Variants in C5orf22 observed in about 807,000 individuals in gnomAD.
C5orf22 encodes the protein chromosome 5 open reading frame 22, also known as UPF0489 protein C5orf22.
C5orf22 carries 36 observed loss-of-function variants against 48.7 expected under a neutral mutation model. That is an observed-to-expected ratio of 0.74 (90% CI 0.57 to 0.98). The LOEUF (loss-of-function observed/expected upper bound fraction) is 0.98, where lower values mean the gene tolerates loss of function less well. C5orf22 is among the 50% of genes least tolerant of loss of function. The probability of loss-of-function intolerance (pLI) is 0.00; values close to 1 mark genes in which losing one functional copy is unlikely to be tolerated. For missense variants in C5orf22, 486 were observed against 521.9 expected, an observed-to-expected ratio of 0.93 and a Z score of 0.67; for synonymous variants, 141 against 180.8, an observed-to-expected ratio of 0.78 and a Z score of 1.76.
chr5:31,538,127 C>T (rs534809754), intron 3 of C5orf22, 133 bp from the exon 4 acceptor site: 21 of 675,612 alleles, frequency 3.1e-5, no homozygotes, highest in Admixed American at 1.9e-4. Flanking sequence ...TACAGAAGAA[C>T]AGGAAGTATA....
At chr5:31,536,208 T>C (rs1022072781) in intron 3 of C5orf22, among the ~76,000 whole-genome samples, 14 of 152,214 alleles carry the variant, frequency 9.2e-5, no homozygotes, top group African/African-American at 3.4e-4. Flanking sequence ...TACATTTTAC[T>C]GTTTCCTGTC....
Position 31,536,030 on chromosome 5 carries a change from C to CACG in C5orf22, c.377+139_377+141dup, listed in dbSNP as rs1742055002. 1.1e-5 allele frequency: 8 copies of CACG among 741,470 alleles called. No individual in the cohort carries two copies. In the East Asian group the frequency reaches 2.4e-4, roughly 22 times the overall value. 45.9% of individuals were successfully genotyped at this position (741,470 alleles called of 1,614,324 possible). ...CGACTTCTCCAAAGAGTTCTCAAAA[C>CACG]ACGAAGAACAAACTTTTAAGTCTCT... On this transcript the variant is annotated intron_variant, in intron 3 of 8. Transcript: ENST00000325366.
At chr5:31,542,099 TAAGA>T (rs1296630176) in intron 6 of C5orf22, among the ~76,000 whole-genome samples, 1 of 151,856 alleles carries the variant, frequency 6.6e-6, no homozygotes, top group African/African-American at 2.4e-5. Context: ...CTAAGTAGAG[TAAGA>T]AAGAAATACT....
At chr5:31,544,368 G>T (rs370689283) in intron 6 of C5orf22, among the ~76,000 whole-genome samples, 18 of 152,252 alleles carry the variant, frequency 1.2e-4, no homozygotes, top group African/African-American at 4.3e-4. Context: ...CGGATCATGA[G>T]GTCAGGAGAT....
intron 1 of C5orf22, among the ~76,000 whole-genome samples, chr5:31,533,211 C>T (rs1275717144): frequency 6.6e-6 from 1 of 152,058 alleles, no homozygotes; most frequent in Non-Finnish European, 1.5e-5. Context: ...CCGCCGGCCT[C>T]CCAAAGTGCT....
At chr5:31,552,082 G>A (rs1160947216) in intron 8 of C5orf22, among the ~76,000 whole-genome samples, 1 of 152,216 alleles carries the variant, frequency 6.6e-6, no homozygotes, top group African/African-American at 2.4e-5. Context: ...ACCCTTATCC[G>A]GAACCAGGAG....
chr5:31,539,038 G>A (rs1742291073), intron 4 of C5orf22, among the ~76,000 whole-genome samples: 1 of 151,960 alleles, frequency 6.6e-6, no homozygotes, highest in African/African-American at 2.4e-5. Context: ...TGTATCCGTG[G>A]GTTCTGTATT....
rs570986364 is a variant in C5orf22 at position 31,536,114 on chromosome 5, A to T, written c.377+221A>T. 1.2e-4 allele frequency among the ~76,000 whole-genome samples: 18 copies of T among 152,326 alleles called. No individual in the cohort carries two copies. The South Asian group carries it at 3.7e-3, about 32-fold the overall frequency. Reference sequence around the variant, plus strand: ...CTGGTCAAATTAGATTTTGAATGTGATCATTATCCTCCGGAATTTGGGCTT... The same window carrying T: ...CTGGTCAAATTAGATTTTGAATGTGTTCATTATCCTCCGGAATTTGGGCTT... On this transcript the variant is annotated intron_variant, in intron 3 of 8. Transcript: ENST00000325366.
rs1742031463 is a variant in C5orf22, at chr5:31,535,792, T to C, written c.276T>C (p.His92=). The change falls in exon 3 of 9, where the codon CAT becomes CAC. Residue 92 remains histidine, a synonymous_variant. Coordinates refer to ENST00000325366, the MANE Select transcript of C5orf22 (RefSeq NM_018356.3). ...NWIMPAVYAG[H]FSHVIWFHPT... ...TTATGCCTGCAGTTTATGCTGGCCA[T>C]TTTTCACATGTAATATGGTTTCATC... 6.2e-7 allele frequency: 1 copy of C among 1,612,146 alleles called. No homozygotes were observed. The highest frequency in any genetic ancestry group is 1.3e-5 in the African/African-American group (1 of 74,866).
chr5:31,548,472 G>A (rs1402191699), intron 7 of C5orf22: 1 of 394,388 alleles, frequency 2.5e-6, no homozygotes, highest in Non-Finnish European at 5.0e-6. Flanking sequence ...AATATAACAA[G>A]AGTCACCTTT....
In C5orf22 at chr5:31,532,480, G is replaced by T. The variant is rs1561313777; in HGVS notation, c.81+7G>T. On this transcript the variant is annotated splice_region_variant and intron_variant, in intron 1 of 8. Coordinates refer to ENST00000325366, the MANE Select transcript of C5orf22 (RefSeq NM_018356.3). ...GGTGGAGGATCATCAGGAGGTGAGC[G>T]GACGGCAACAGGGCTCTGGGGCAGA... The T allele has an allele frequency of 6.2e-7, 1 of 1,611,652 alleles. No homozygotes were observed. The highest frequency in any genetic ancestry group is 1.7e-5 in the Admixed American group (1 of 59,880).
intron 7 of C5orf22, among the ~76,000 whole-genome samples, chr5:31,546,013 C>T (rs1213234695): frequency 6.6e-6 from 1 of 152,050 alleles, no homozygotes; most frequent in Admixed American, 6.6e-5. Context: ...AAGAAAAGTA[C>T]ACAATTTCTA....
At chr5:31,551,547 A>G (rs1237640639) in intron 8 of C5orf22, 115 bp downstream of exon 8, 1 of 778,836 alleles carries the variant, frequency 1.3e-6, no homozygotes, top group Non-Finnish European at 2.1e-6. Context: ...GATTAACTCA[A>G]GGATTTTGAG....
intron 5 of C5orf22, 120 bp from the exon 6 acceptor site, chr5:31,541,161 C>T (rs1327733017): frequency 9.2e-7 from 1 of 1,084,160 alleles, no homozygotes; most frequent in African/African-American, 1.6e-5. Flanking sequence ...TTGGCGAAGC[C>T]CATGGTTAGT....
intron 7 of C5orf22, among the ~76,000 whole-genome samples, chr5:31,546,988 C>G (rs141095573): frequency 0.011 from 1,608 of 152,262 alleles, 36 homozygotes; most frequent in African/African-American, 0.037. Context: ...GTCCACAGTC[C>G]AACATCTCAT....
At chr5:31,544,794 G>C (rs1417627107) in intron 6 of C5orf22, among the ~76,000 whole-genome samples, 1 of 151,906 alleles carries the variant, frequency 6.6e-6, no homozygotes, top group Non-Finnish European at 1.5e-5. Flanking sequence ...AAATTAGTTG[G>C]GTGTGGTGGT....
chr5:31,534,600 A>G, intron 2 of C5orf22, 183 bp downstream of exon 2: 1 of 588,764 alleles, frequency 1.7e-6, no homozygotes, highest in South Asian at 2.3e-5. Context: ...CAGATTAGCA[A>G]ATATTTTAGG....
At chr5:31,537,264 C>A (rs954240112) in intron 3 of C5orf22, among the ~76,000 whole-genome samples, 2 of 152,140 alleles carry the variant, frequency 1.3e-5, no homozygotes, top group East Asian at 1.9e-4. Context: ...TTTGGTTAAT[C>A]CTGCAAGTAA....
At chr5:31,540,117 A>G (rs1368595984) in intron 4 of C5orf22, among the ~76,000 whole-genome samples, 2 of 152,232 alleles carry the variant, frequency 1.3e-5, no homozygotes, top group Non-Finnish European at 2.9e-5. Context: ...CTTATTAGCT[A>G]TATGATCTTA....
Sources: allele counts gnomAD v4.1 joint callset (sites outside exome capture counted in the v4.1 genomes callset), GRCh38; gene constraint gnomAD v4.1.1; transcripts MANE v1.5; gene names NCBI Gene and HGNC (gene_info 2026-07-23, HGNC 2026-07-21).